Variants in PCDHA8 observed in about 807,000 individuals in gnomAD.
PCDHA8 encodes protocadherin alpha-8.
PCDHA8 carries 53 observed loss-of-function variants against 61.8 expected under a neutral mutation model. The observed-to-expected ratio is 0.86, with a 90% CI of 0.69 to 1.08. The LOEUF is 1.08. Ranked by LOEUF, PCDHA8 falls within the 50% of genes least tolerant of loss-of-function variation. The pLI is 0.00. For missense variants in PCDHA8, 1,293 were observed against 1,245.0 expected (o/e 1.04, Z -0.58); for synonymous variants, 618 against 556.6 (o/e 1.11, Z -1.55).
At chr5:140,846,097 A>T (rs1554141144) in intron 1 of PCDHA8, among the ~76,000 whole-genome samples, 4 of 149,760 alleles carry the variant, frequency 2.7e-5, no homozygotes, top group Non-Finnish European at 1.5e-5. Flanking sequence ...CCTTCCAAGG[A>T]ATGTGTAGAC....
chr5:140,966,586 TG>T (rs1297938804), intron 1 of PCDHA8: 39 of 548,908 alleles, frequency 7.1e-5, no homozygotes, highest in Non-Finnish European at 1.1e-4. Flanking sequence ...GCGAGGACGG[TG>T]GGGCCAGGAG....
rs535622037 is a variant in PCDHA8 at position 140,926,265 on chromosome 5, G to T, written c.2395-52684G>T. The T allele has an allele frequency of 8.1e-3, 1,228 of 152,360 alleles. 6 individuals carry two copies. The highest frequency in any genetic ancestry group is 0.019 in the African/African-American group (792 of 41,548). 9.4% of individuals were successfully genotyped at this position (152,360 alleles called of 1,614,324 possible). ...CACGTTCACCGTCCCGCCTCTCGCC[G>T]CCTCCGCTCGGCAGCTCCACGCTGA... is the stretch of plus-strand genomic sequence containing the variant. On this transcript the variant is annotated intron_variant, in intron 1 of 3. Transcript: ENST00000531613.
intron 1 of PCDHA8, chr5:140,866,984 A>G (rs2049692494): frequency 6.6e-6 from 1 of 152,180 alleles, no homozygotes; most frequent in African/African-American, 2.4e-5. Flanking sequence ...ATCACAGCCA[A>G]AATGCAAAAG....
intron 1 of PCDHA8, among the ~76,000 whole-genome samples, chr5:140,932,779 G>T (rs556279743): frequency 3.9e-5 from 6 of 151,910 alleles, no homozygotes; most frequent in Non-Finnish European, 8.9e-5. Context: ...TAATTTGAGT[G>T]GACATAAGAG....
At chr5:140,959,090 G>A (rs797041561) in intron 1 of PCDHA8, among the ~76,000 whole-genome samples, 2 of 151,986 alleles carry the variant, frequency 1.3e-5, no homozygotes, top group African/African-American at 2.4e-5. Flanking sequence ...CCTTGGTTTC[G>A]GACATTCAGC....
At chr5:140,877,583 T>A (rs782090888) in intron 1 of PCDHA8, 2 of 1,613,816 alleles carry the variant, frequency 1.2e-6, no homozygotes, top group East Asian at 4.5e-5. Context: ...ATCATCGCCA[T>A]CTGTGCGGTG....
chr5:141,004,604 C>A (rs1282201587), intron 3 of PCDHA8, among the ~76,000 whole-genome samples: 1 of 152,176 alleles, frequency 6.6e-6, no homozygotes, highest in African/African-American at 2.4e-5. Context: ...GTGCTTAGGC[C>A]TCATGCAGAG....
At position 140,876,236 on chromosome 5, in the gene PCDHA8, T is replaced by A. The variant is rs782328225; in HGVS notation, c.2394+32521T>A. ...TATAAAGTAGTGTTGTCTGAAAATG[T>A]CCAAAACGACACAAGAGTGATCCAA... On this transcript the variant is annotated intron_variant, in intron 1 of 3. Coordinates refer to ENST00000531613, the MANE Select transcript of PCDHA8 (RefSeq NM_018911.3). The A allele has an allele frequency of 6.2e-7, 1 of 1,613,856 alleles. No homozygotes were observed. Among genetic ancestry groups the A allele is most frequent in the African/African-American group, 1.3e-5 (1 of 74,914 alleles).
At position 140,931,440 on chromosome 5, in the gene PCDHA8, A is replaced by C. The variant is rs539915059; in HGVS notation, c.2395-47509A>C. Among the ~76,000 whole-genome samples the C allele has an allele frequency of 2.1e-5, 3 of 141,482 alleles. No individual in the cohort carries two copies. In the South Asian group the frequency reaches 6.9e-4, roughly 32 times the overall value. 92.8% of individuals were successfully genotyped at this position (141,482 alleles called of 152,430 possible). A position where few individuals can be genotyped will look rare whatever the true frequency, so the allele number is the denominator to read the frequency against. ...CTAGAAGTTAGAAGGAAAATTAGCT[A>C]TTTAAAAGGAAAAATATAGGAATGA... On this transcript the variant is annotated intron_variant, in intron 1 of 3. Transcript: ENST00000531613.
intron 1 of PCDHA8, among the ~76,000 whole-genome samples, chr5:140,888,278 C>G (rs1204327118): frequency 2.0e-5 from 3 of 151,932 alleles, no homozygotes; most frequent in African/African-American, 7.3e-5. Flanking sequence ...CAGTTTTGTC[C>G]CCTCTACCCC....
chr5:140,910,058 T>A (rs571957156), intron 1 of PCDHA8, among the ~76,000 whole-genome samples: 5 of 152,344 alleles, frequency 3.3e-5, no homozygotes, highest in African/African-American at 9.6e-5. Flanking sequence ...TAAGTGATCT[T>A]TTAACAGCGT....
intron 3 of PCDHA8, 39 bp from the exon 4 acceptor site, chr5:141,009,588 G>A: frequency 6.3e-7 from 1 of 1,598,586 alleles, no homozygotes; most frequent in Non-Finnish European, 8.5e-7. Context: ...AAGAGCATGT[G>A]TTGACCCTGT....
chr5:140,879,078 A>G (rs1168166013), intron 1 of PCDHA8, among the ~76,000 whole-genome samples: 3 of 152,342 alleles, frequency 2.0e-5, no homozygotes, highest in African/African-American at 7.2e-5. Flanking sequence ...TAAGAGAGAT[A>G]AGTAGGAACA....
At position 140,929,511 on chromosome 5, in the gene PCDHA8, G is replaced by A. The variant is rs113234119; in HGVS notation, c.2395-49438G>A. On this transcript the variant is annotated intron_variant, in intron 1 of 3. Coordinates refer to ENST00000531613, the MANE Select transcript of PCDHA8 (RefSeq NM_018911.3). ...TTAGAAGATTGCCCTAGGCCTCAAG[G>A]GACTTATAGTTTATTTTTGAGAAAC... 1,947 of 781,082 alleles carry A rather than the reference G, an allele frequency of 2.5e-3. 24 individuals carry two copies. The African/African-American group carries it at 0.032, about 13-fold the overall frequency. 48.4% of individuals were successfully genotyped at this position (781,082 alleles called of 1,614,324 possible).
At chr5:140,941,210 T>TCTTCCTTTCTTTCTTC (rs2092851427) in intron 1 of PCDHA8, among the ~76,000 whole-genome samples, 1 of 100,630 alleles carries the variant, frequency 9.9e-6, no homozygotes, top group South Asian at 2.9e-4. Context: ...TTCCTTTCTT[T>TCTTCCTTTCTTTCTTC]CTTCCTTTCT....
At chr5:140,904,143 T>C (rs1370565805) in intron 1 of PCDHA8, among the ~76,000 whole-genome samples, 1 of 152,136 alleles carries the variant, frequency 6.6e-6, no homozygotes, top group Non-Finnish European at 1.5e-5. Context: ...CCGAGCAGTA[T>C]ACATTGCACC....
chr5:140,856,813 G>T (rs150906180), intron 1 of PCDHA8: 1 of 1,594,284 alleles, frequency 6.3e-7, no homozygotes, highest in East Asian at 2.2e-5. Context: ...AAAATCAAGT[G>T]AACCAAACAT....
intron 3 of PCDHA8, among the ~76,000 whole-genome samples, chr5:140,987,261 T>C (rs1245588314): frequency 6.6e-6 from 1 of 151,964 alleles, no homozygotes; most frequent in African/African-American, 2.4e-5. Context: ...TTCTCAGGAA[T>C]GGGACCCGGC....
intron 1 of PCDHA8, chr5:140,871,159 GC>G (rs1562658226): frequency 6.2e-7 from 1 of 1,613,450 alleles, no homozygotes; most frequent in Non-Finnish European, 8.5e-7. Flanking sequence ...GGCGGGCGCC[GC>G]GAGCCCAGAG....
Sources: allele counts gnomAD v4.1 joint callset (sites outside exome capture counted in the v4.1 genomes callset), GRCh38; gene constraint gnomAD v4.1.1; transcripts MANE v1.5; gene names NCBI Gene and HGNC (gene_info 2026-07-23, HGNC 2026-07-21).